DYSF: variants seen among roughly 807,000 people sequenced by gnomAD.
DYSF encodes the protein dysferlin.
DYSF carries 212 observed loss-of-function variants against 274.9 expected under a neutral mutation model. The ratio of observed to expected loss-of-function variants is 0.77; its 90% CI spans 0.69 to 0.86. The LOEUF (loss-of-function observed/expected upper bound fraction) is 0.86, where lower values mean the gene tolerates loss of function less well. DYSF is among the 40% of genes least tolerant of loss of function. DYSF has a pLI of 0.00. For synonymous variants in DYSF, 1,091 were observed against 1,078.7 expected (o/e 1.01, Z -0.22); for missense variants, 2,666 against 2,783.2 (o/e 0.96, Z 0.95).
intron 40 of DYSF, among the ~76,000 whole-genome samples, chr2:71,619,880 C>T (rs1469770418): frequency 6.6e-6 from 1 of 152,124 alleles, no homozygotes; most frequent in African/African-American, 2.4e-5. Context: ...AGGCTGCAGC[C>T]CAAGGATTCA....
At chr2:71,637,941 G>A (rs1251753610) in intron 41 of DYSF, among the ~76,000 whole-genome samples, 1 of 152,142 alleles carries the variant, frequency 6.6e-6, no homozygotes. Flanking sequence ...AGCTGGTGTG[G>A]CCGGGAGGAA....
At chr2:71,642,097 T>C (rs2094494861) in intron 41 of DYSF, among the ~76,000 whole-genome samples, 3 of 152,256 alleles carry the variant, frequency 2.0e-5, no homozygotes, top group Admixed American at 1.3e-4. Context: ...TTCCCCACAA[T>C]TCTTGTTCCT....
chr2:71,512,860 C>T (rs1033557969), intron 5 of DYSF, among the ~76,000 whole-genome samples: 3 of 152,124 alleles, frequency 2.0e-5, no homozygotes, highest in Non-Finnish European at 2.9e-5. Context: ...CAGCACTGTC[C>T]GAGCTTAGAG....
At chr2:71,661,473 A>G (rs2094880695) in intron 45 of DYSF, among the ~76,000 whole-genome samples, 1 of 152,222 alleles carries the variant, frequency 6.6e-6, no homozygotes, top group Non-Finnish European at 1.5e-5. Flanking sequence ...CTGTTATACG[A>G]CATTGCATTT....
In DYSF at chr2:71,664,429, C is replaced by T. The variant is rs1263498493; in HGVS notation, c.5165C>T (p.Thr1722Ile). The change falls in exon 46 of 56, where the codon ACC becomes ATC. Residue 1722 changes from threonine (T) to isoleucine (I), a missense_variant. Thr to Ile is a moderately conservative substitution (Grantham distance 89). Around this residue, in one of 3 missense-constraint regions of DYSF, gnomAD observed 1,460 missense variants for 1,502.1 expected, o/e 0.97. Transcript: ENST00000410020. ...GGGGCTCGCTGTGGACTCCCACAGACCTACTGTGTGTACGTGGATGGGGGC... is the reference window on the plus strand; with the variant it reads ...GGGGCTCGCTGTGGACTCCCACAGATCTACTGTGTGTACGTGGATGGGGGC... ...KFGARCGLPQ[T>I]YCVSGPNQWR... The T allele has an allele frequency of 6.2e-7, 1 of 1,614,172 alleles. No individual in the cohort carries two copies. The highest frequency in any genetic ancestry group is 1.1e-5 in the South Asian group (1 of 91,084).
rs1485707073 is a variant in DYSF, at chr2:71,526,426, G to A, written c.1276+80G>A. The A allele has an allele frequency of 3.6e-5, 55 of 1,530,742 alleles. No homozygotes were observed. In the Admixed American group the frequency reaches 5.5e-4, roughly 15 times the overall value. 94.8% of individuals were successfully genotyped at this position (1,530,742 alleles called of 1,614,324 possible). On this transcript the variant is annotated intron_variant, in intron 13 of 55. Coordinates refer to ENST00000410020, the MANE Select transcript of DYSF (RefSeq NM_001130987.2). ...CTGGTGGGGGTGGGCGATGGCGGGC[G>A]GGGTCAGCTCCCTGGGGGAAGGAGA...
At chr2:71,460,488 T>G (rs928382656) in intron 1 of DYSF, among the ~76,000 whole-genome samples, 2 of 152,196 alleles carry the variant, frequency 1.3e-5, no homozygotes, top group African/African-American at 4.8e-5. Flanking sequence ...GAACATATAC[T>G]GGGAGGTGGA....
At position 71,564,147 on chromosome 2, in the gene DYSF, C is replaced by T; in HGVS notation, c.2499C>T (p.Leu833=). 6.2e-7 allele frequency: 1 copy of T among 1,614,278 alleles called. No individual in the cohort carries two copies. The highest frequency in any genetic ancestry group is 8.5e-7 in the Non-Finnish European group (1 of 1,180,052). The change falls in exon 24 of 56, where the codon CTC becomes CTT. Residue 833 remains leucine (L), a synonymous_variant. Transcript: ENST00000410020. ...AGCGGGTGCCCGCCCACCAAGTCCT[C>T]TTCTCCCGGCGGGGTGCCAACTACT... The part of the protein sequence containing the change: ...AYQRVPAHQV[L]FSRRGANYCG...
At chr2:71,511,482 T>A (rs1217619628) in intron 4 of DYSF, among the ~76,000 whole-genome samples, 1 of 152,198 alleles carries the variant, frequency 6.6e-6, no homozygotes, top group Non-Finnish European at 1.5e-5. Context: ...ACTAATTTGC[T>A]CCACATTTGA....
chr2:71,456,691 G>T (rs1168742879), intron 1 of DYSF, among the ~76,000 whole-genome samples: 2 of 152,156 alleles, frequency 1.3e-5, no homozygotes, highest in African/African-American at 2.4e-5. Flanking sequence ...AGAGGGCAAA[G>T]ATATTATCCC....
intron 16 of DYSF, among the ~76,000 whole-genome samples, chr2:71,538,244 G>A (rs906686493): frequency 1.3e-5 from 2 of 152,206 alleles, no homozygotes; most frequent in African/African-American, 4.8e-5. Flanking sequence ...CTTAGTACGT[G>A]CTCAATAAAT....
In DYSF at chr2:71,643,957, C is replaced by G. The variant is rs776766700; in HGVS notation, c.4528-8C>G. On this transcript the variant is annotated splice_polypyrimidine_tract_variant and splice_region_variant and intron_variant, in intron 41 of 55. Coordinates refer to ENST00000410020, the MANE Select transcript of DYSF (RefSeq NM_001130987.2). ...TCTGAAATGGTCTCTTTCTTTCTAC[C>G]CACTCAGGAGGAAGAGTTCATCGAT... The G allele has an allele frequency of 6.2e-7, 1 of 1,602,382 alleles. No individual in the cohort carries two copies. The highest frequency in any genetic ancestry group is 2.2e-5 in the East Asian group (1 of 44,770).
At chr2:71,493,851 C>CAAAAAAAAAAAAAAAAAAAA (rs145288384) in intron 3 of DYSF, among the ~76,000 whole-genome samples, 12 of 69,278 alleles carry the variant, frequency 1.7e-4, no homozygotes, top group South Asian at 6.9e-4. Context: ...TACTCTGTCT[C>CAAAAAAAAAAAAAAAAAAAA]AAAAAAAAAA....
intron 18 of DYSF, 141 bp downstream of exon 18, chr2:71,551,297 C>A: frequency 2.4e-6 from 2 of 830,164 alleles, no homozygotes; most frequent in Non-Finnish European, 4.1e-6. Context: ...TCTCCTTCTG[C>A]CCCTTGACAC....
At chr2:71,640,471 G>A (rs535753784) in intron 41 of DYSF, among the ~76,000 whole-genome samples, 38 of 152,226 alleles carry the variant, frequency 2.5e-4, no homozygotes, top group African/African-American at 8.9e-4. Flanking sequence ...GGTCTTTGTT[G>A]CAAAGACTCA....
chr2:71,514,044 TG>T (rs1487038779), intron 7 of DYSF, 123 bp downstream of exon 7: 6 of 1,134,302 alleles, frequency 5.3e-6, no homozygotes, highest in African/African-American at 1.6e-5. Flanking sequence ...GGCCCTCCTG[TG>T]GGGGAATCTG....
chr2:71,478,336 C>T (rs537194582), intron 1 of DYSF, among the ~76,000 whole-genome samples: 55 of 151,884 alleles, frequency 3.6e-4, no homozygotes, highest in African/African-American at 1.1e-3. Flanking sequence ...CTCAGCCTCC[C>T]GAGCAGCTGG....
At chr2:71,641,914 T>A (rs1246563800) in intron 41 of DYSF, among the ~76,000 whole-genome samples, 12 of 152,254 alleles carry the variant, frequency 7.9e-5, no homozygotes, top group Admixed American at 5.9e-4. Context: ...GTGGCTTTTT[T>A]ATTTTTTTCT....
intron 41 of DYSF, 150 bp from the exon 42 acceptor site, chr2:71,643,815 G>A (rs1363713941): frequency 2.8e-6 from 2 of 712,062 alleles, no homozygotes; most frequent in Non-Finnish European, 5.1e-6. Flanking sequence ...AGGAGAGGCG[G>A]AGGTTTCCTC....
Sources: gnomAD v4.1 joint callset for allele counts (sites outside exome capture counted in the v4.1 genomes callset) on GRCh38, gnomAD v4.1.1 for gene constraint, gnomAD v4.1.1 regional missense constraint, MANE v1.5 for transcripts, NCBI Gene and HGNC (gene_info 2026-07-23, HGNC 2026-07-21) for gene names.